DHRS7B: variants seen among roughly 807,000 people sequenced by gnomAD.
The protein encoded by DHRS7B is dehydrogenase/reductase 7B, also known as peroxisomal reductase activating PPAR-gamma.
A neutral mutation model predicts 26.4 loss-of-function variants in DHRS7B; 24 were observed. The ratio of observed to expected loss-of-function variants is 0.91; its 90% CI spans 0.66 to 1.28. The LOEUF (loss-of-function observed/expected upper bound fraction) is 1.28. Ranked by LOEUF, DHRS7B falls within the 50% of genes most tolerant of loss-of-function variation. The pLI, the probability that DHRS7B is intolerant of heterozygous loss-of-function variation, is 0.00. For synonymous variants in DHRS7B, 142 were observed against 166.4 expected, an observed-to-expected ratio of 0.85 and a Z score of 1.13; for missense variants, 368 against 419.4, an observed-to-expected ratio of 0.88 and a Z score of 1.07.
intron 6 of DHRS7B, among the ~76,000 whole-genome samples, chr17:21,189,310 G>A (rs574999065): frequency 6.6e-6 from 1 of 152,318 alleles, no homozygotes; most frequent in Non-Finnish European, 1.5e-5. Flanking sequence ...TTCAGGATGA[G>A]GCCGAGTGCA....
chr17:21,176,374 G>C (rs1220819487), intron 2 of DHRS7B, among the ~76,000 whole-genome samples: 2 of 152,130 alleles, frequency 1.3e-5, no homozygotes, highest in East Asian at 4.0e-4. Flanking sequence ...GTCATGGCAG[G>C]AAGATCGCTT....
intron 1 of DHRS7B, chr17:21,127,294 T>TCG (rs1484626731): frequency 7.4e-6 from 3 of 407,322 alleles, no homozygotes; most frequent in South Asian, 9.4e-5. Flanking sequence ...GTGAAAGGCC[T>TCG]CGCGCCCACA....
chr17:21,157,528 C>T (rs189829391), intron 1 of DHRS7B, among the ~76,000 whole-genome samples: 1 of 152,232 alleles, frequency 6.6e-6, no homozygotes, highest in Non-Finnish European at 1.5e-5. Context: ...AAGACCTCAT[C>T]TCTACAAATA....
chr17:21,158,722 A>G (rs1345932109), intron 1 of DHRS7B, among the ~76,000 whole-genome samples: 1 of 152,220 alleles, frequency 6.6e-6, no homozygotes, highest in Non-Finnish European at 1.5e-5. Flanking sequence ...AAGGCAAAAG[A>G]CCAAGAATAA....
intron 1 of DHRS7B, among the ~76,000 whole-genome samples, chr17:21,149,248 TG>T (rs1973708468): frequency 6.6e-6 from 1 of 151,716 alleles, no homozygotes. Context: ...TCAAAAATAC[TG>T]TGTCCAGCAA....
chr17:21,149,760 C>T (rs536286245), intron 1 of DHRS7B, among the ~76,000 whole-genome samples: 36 of 152,080 alleles, frequency 2.4e-4, no homozygotes, highest in African/African-American at 8.4e-4. Flanking sequence ...AACCACAATG[C>T]AAAACACTTG....
intron 1 of DHRS7B, among the ~76,000 whole-genome samples, chr17:21,145,462 A>C (rs1973622450): frequency 6.6e-6 from 1 of 152,210 alleles, no homozygotes; most frequent in Non-Finnish European, 1.5e-5. Flanking sequence ...ATTTCTTAGT[A>C]TGTTCCATGT....
At chr17:21,183,831 G>C (rs1253407430) in intron 4 of DHRS7B, 21 bp downstream of exon 4, 1 of 1,598,360 alleles carries the variant, frequency 6.3e-7, no homozygotes, top group Non-Finnish European at 8.6e-7. Flanking sequence ...TGAGAAAAGA[G>C]CAGTGATAAG....
chr17:21,159,632 G>A (rs1226347520), intron 1 of DHRS7B, among the ~76,000 whole-genome samples: 1 of 151,928 alleles, frequency 6.6e-6, no homozygotes, highest in Non-Finnish European at 1.5e-5. Flanking sequence ...CAGCACTTTG[G>A]GAGGCCAAGA....
At chr17:21,183,884 G>A in intron 4 of DHRS7B, 74 bp downstream of exon 4, 1 of 1,320,070 alleles carries the variant, frequency 7.6e-7, no homozygotes, top group South Asian at 1.2e-5. Flanking sequence ...ATCCTTTTCA[G>A]CTAAACGTTC....
intron 2 of DHRS7B, among the ~76,000 whole-genome samples, chr17:21,176,318 T>A (rs539864681): frequency 6.6e-6 from 1 of 151,928 alleles, no homozygotes; most frequent in Non-Finnish European, 1.5e-5. Context: ...TTCAGAAATA[T>A]GGCCAGGCAC....
rs547348130 is a variant in DHRS7B, at chr17:21,133,088, G to A, written c.20+6097G>A. 3.3e-5 allele frequency among the ~76,000 whole-genome samples: 5 copies of A among 152,216 alleles called. No individual in the cohort carries two copies. The East Asian group carries it at 9.7e-4, about 29-fold the overall frequency. On this transcript the variant is annotated intron_variant, in intron 1 of 6. Coordinates refer to ENST00000395511, the MANE Select transcript of DHRS7B (RefSeq NM_015510.5). ...GCTGTGAGGATGAAATGAGATCATG[G>A]GTATGGAGAATGTGTATTTCAGTGT...
rs531121612 is a variant in DHRS7B, at chr17:21,132,892, A to AT, written c.20+5912dup. On this transcript the variant is annotated intron_variant, in intron 1 of 6. Transcript: ENST00000395511. ...TCCTGTTTAAAGTTCCAGCTAAAGG[A>AT]TTTTTTTTTTTACATGACCCCCTAT... Among the ~76,000 whole-genome samples, 86 of 148,328 alleles carry AT rather than the reference A, an allele frequency of 5.8e-4. 1 individual carries two copies. Among genetic ancestry groups the AT allele is most frequent in the Middle Eastern group, 3.4e-3 (1 of 290 alleles).
At chr17:21,183,947 C>T (rs1318875319) in intron 4 of DHRS7B, 137 bp downstream of exon 4, 1 of 745,172 alleles carries the variant, frequency 1.3e-6, no homozygotes, top group Non-Finnish European at 2.2e-6. Flanking sequence ...GTTATTGTTA[C>T]AGTTTGGGTA....
At chr17:21,133,090 T>C (rs1401066659) in intron 1 of DHRS7B, among the ~76,000 whole-genome samples, 1 of 152,192 alleles carries the variant, frequency 6.6e-6, no homozygotes, top group African/African-American at 2.4e-5. Flanking sequence ...AGATCATGGG[T>C]ATGGAGAATG....
At chr17:21,141,455 AACAC>A (rs1973507300) in intron 1 of DHRS7B, among the ~76,000 whole-genome samples, 1 of 151,922 alleles carries the variant, frequency 6.6e-6, no homozygotes, top group Non-Finnish European at 1.5e-5. Context: ...AGCAAAAACA[AACAC>A]ACACACAAAA....
rs180775253 is a variant in DHRS7B at position 21,172,275 on chromosome 17, C to T, written c.199+79C>T. ...AGGAGCGGCCCAGCTGCACAGGGAC[C>T]ACCAGCGCAAATGCCCGAAGCGGCA... On this transcript the variant is annotated intron_variant, in intron 2 of 6. Coordinates refer to ENST00000395511, the MANE Select transcript of DHRS7B (RefSeq NM_015510.5). 429 of 1,515,644 alleles carry T rather than the reference C, an allele frequency of 2.8e-4. 1 individual carries two copies. The African/African-American group carries it at 5.4e-3, about 19-fold the overall frequency. The allele number at this position is 1,515,644 out of a possible 1,614,324, so 93.9% of individuals were successfully genotyped here.
At chr17:21,132,751 C>G (rs1036363831) in intron 1 of DHRS7B, among the ~76,000 whole-genome samples, 1 of 152,142 alleles carries the variant, frequency 6.6e-6, no homozygotes, top group Admixed American at 6.5e-5. Context: ...TATGGAGGAA[C>G]ATTTAGGCTA....
At chr17:21,142,630 C>T (rs1973542504) in intron 1 of DHRS7B, among the ~76,000 whole-genome samples, 3 of 152,218 alleles carry the variant, frequency 2.0e-5, no homozygotes, top group African/African-American at 7.2e-5. Context: ...TACATTAGTT[C>T]CATCCAGAAA....
Sources: allele counts gnomAD v4.1 joint callset (sites outside exome capture counted in the v4.1 genomes callset), GRCh38; gene constraint gnomAD v4.1.1; transcripts MANE v1.5; gene names NCBI Gene and HGNC (gene_info 2026-07-23, HGNC 2026-07-21).